CACNA1D: variants seen among roughly 807,000 people sequenced by gnomAD.
CACNA1D encodes the protein calcium voltage-gated channel subunit alpha1 D.
Under a neutral mutation model 257.1 loss-of-function variants are expected in CACNA1D, and 55 were observed. That is an observed-to-expected ratio of 0.21 (90% CI 0.17 to 0.27). CACNA1D has a LOEUF of 0.27. CACNA1D is among the 10% of genes least tolerant of loss of function. The probability of loss-of-function intolerance (pLI) is 1.00; values close to 1 mark genes in which losing one functional copy is unlikely to be tolerated. For missense variants in CACNA1D, 1,876 were observed against 2,784.0 expected (o/e 0.67, Z 7.34); for synonymous variants, 980 against 1,014.9 (o/e 0.97, Z 0.65).
At chr3:53,740,568 T>G (rs1038044996) in intron 21 of CACNA1D, 8 of 357,108 alleles carry the variant, frequency 2.2e-5, no homozygotes, top group South Asian at 3.7e-5. Context: ...TTTTTATGGG[T>G]TTTTTTTTTG....
At chr3:53,499,387 G>A (rs558807573) in intron 2 of CACNA1D, among the ~76,000 whole-genome samples, 1 of 151,760 alleles carries the variant, frequency 6.6e-6, no homozygotes, top group African/African-American at 2.4e-5. Flanking sequence ...TTTCCACCCC[G>A]GGCAGCTCTG....
chr3:53,618,254 C>T (rs1013525707), intron 3 of CACNA1D, among the ~76,000 whole-genome samples: 1 of 152,182 alleles, frequency 6.6e-6, no homozygotes, highest in Non-Finnish European at 1.5e-5. Context: ...GCTGGGCTGA[C>T]GGGCACCAAG....
chr3:53,673,718 T>G lies in CACNA1D; in HGVS notation c.1220+592T>G, dbSNP rs776372175. The G allele has an allele frequency of 6.2e-7, 1 of 1,609,734 alleles. No homozygotes were observed. The highest frequency in any genetic ancestry group is 8.5e-7 in the Non-Finnish European group (1 of 1,175,990). ...GATCTCCTTACATTTTACAGGTAAATGATGCGATAGGATGGGAATGGCCAT... is the reference window on the plus strand; with the variant it reads ...GATCTCCTTACATTTTACAGGTAAAGGATGCGATAGGATGGGAATGGCCAT... On this transcript the variant is annotated intron_variant, in intron 8 of 47. Transcript: ENST00000350061. This position sits in a 1 kb window ranked among gnomAD's most constrained non-coding sequence, Gnocchi z 4.1.
At chr3:53,508,805 C>T (rs740758) in intron 3 of CACNA1D, among the ~76,000 whole-genome samples, 1,557 of 152,262 alleles carry the variant, frequency 0.01, 28 homozygotes, top group African/African-American at 0.036. Context: ...GGGACACGCC[C>T]CAACAGACCC....
At chr3:53,626,378 G>C (rs2093758670) in intron 3 of CACNA1D, among the ~76,000 whole-genome samples, 1 of 152,198 alleles carries the variant, frequency 6.6e-6, no homozygotes, top group Non-Finnish European at 1.5e-5. Context: ...GTAGCAGTCA[G>C]GACCTACCAG....
chr3:53,553,411 G>A (rs1239307442), intron 3 of CACNA1D, among the ~76,000 whole-genome samples: 2 of 152,096 alleles, frequency 1.3e-5, no homozygotes, highest in South Asian at 2.1e-4. Context: ...TGTTCCTCAC[G>A]CATTTCAAGC....
chr3:53,792,814 A>C (rs915643539), intron 40 of CACNA1D, among the ~76,000 whole-genome samples: 1 of 152,072 alleles, frequency 6.6e-6, no homozygotes, highest in Non-Finnish European at 1.5e-5. Context: ...CTGTACCGAG[A>C]GGTCTAACCT....
At position 53,702,809 on chromosome 3, in the gene CACNA1D, T is replaced by G. The variant is rs150652713; in HGVS notation, c.1389T>G (p.Asn463Lys). The change falls in exon 9 of 48, where the codon AAT (asparagine) becomes AAG (lysine). Residue 463 changes from asparagine to lysine, a missense_variant and splice_region_variant. Coordinates refer to ENST00000350061, the MANE Select transcript of CACNA1D (RefSeq NM_001128840.3). ...EEEGGEEGKR[N>K]TSMPTSETES... The stretch of plus-strand genomic sequence containing the variant: ...AAGGAGGAGAGGAAGGCAAACGAAA[T>G]AGTATGTAGCGCCTTTCCTGCCCCT... The G allele has an allele frequency of 1.7e-4, 269 of 1,613,866 alleles. No individual in the cohort carries two copies. The highest frequency in any genetic ancestry group is 2.1e-4 in the Non-Finnish European group (251 of 1,179,998).
Position 53,800,069 on chromosome 3 carries a change from G to C in CACNA1D, c.4924-180G>C. 1.4e-6 allele frequency: 1 copy of C among 705,476 alleles called. No homozygotes were observed. The highest frequency in any genetic ancestry group is 2.5e-5 in the East Asian group (1 of 40,336). 43.7% of individuals were successfully genotyped at this position (705,476 alleles called of 1,614,324 possible). ...TACCTAGGACCTTCTTGACCCTCTG[G>C]ATGCCTGACCATACCAACAACCCTT... On this transcript the variant is annotated intron_variant, in intron 40 of 47. Transcript: ENST00000350061. The surrounding 1 kb of genome is among the most constrained non-coding windows in gnomAD (Gnocchi z 4.3).
chr3:53,802,875 C>T (rs2095543268), intron 43 of CACNA1D, among the ~76,000 whole-genome samples: 2 of 152,184 alleles, frequency 1.3e-5, no homozygotes, highest in Non-Finnish European at 2.9e-5. Flanking sequence ...TTACCACATT[C>T]CTGGGGCAGG....
At chr3:53,690,245 C>T (rs770410320) in intron 8 of CACNA1D, among the ~76,000 whole-genome samples, 1 of 152,194 alleles carries the variant, frequency 6.6e-6, no homozygotes, top group Non-Finnish European at 1.5e-5. Context: ...GTCTTCCCAG[C>T]CTGGGTCTGT....
chr3:53,673,755 G>A lies in CACNA1D; in HGVS notation c.1220+629G>A. 6.2e-7 allele frequency: 1 copy of A among 1,614,026 alleles called. No individual in the cohort carries two copies. The highest frequency in any genetic ancestry group is 8.5e-7 in the Non-Finnish European group (1 of 1,179,894). On this transcript the variant is annotated intron_variant, in intron 8 of 47. Transcript: ENST00000350061. The surrounding 1 kb of genome is among the most constrained non-coding windows in gnomAD (Gnocchi z 4.1). ...ATGGGAATGGCCATGGGTGTATTTT[G>A]TTAGTCTGATCATCCTTGGCTCATT... is the stretch of plus-strand genomic sequence containing the variant.
At chr3:53,808,099 TCA>T (rs1213120241) in intron 45 of CACNA1D, 1 of 163,094 alleles carries the variant, frequency 6.1e-6, no homozygotes, top group East Asian at 1.7e-4. Flanking sequence ...CTGACTCGGA[TCA>T]GTTGCCCTAT....
intron 39 of CACNA1D, chr3:53,782,745 AG>A (rs2095432943): frequency 6.6e-6 from 1 of 152,278 alleles, no homozygotes; most frequent in Non-Finnish European, 1.5e-5. Context: ...TGGCCCAGAA[AG>A]AAATGATAAA....
Position 53,793,083 on chromosome 3 carries a change from A to T in CACNA1D, c.4923+6131A>T, listed in dbSNP as rs1486033421. Among the ~76,000 whole-genome samples, 1 of 152,202 alleles carries T rather than the reference A, an allele frequency of 6.6e-6. No individual in the cohort carries two copies. The highest frequency in any genetic ancestry group is 1.5e-5 in the Non-Finnish European group (1 of 68,026). ...GCCACTTGTCAAGATGTTGAAGCAC[A>T]GCTGCACCTGGTATCAACCGCTGTT... On this transcript the variant is annotated intron_variant, in intron 40 of 47. Coordinates refer to ENST00000350061, the MANE Select transcript of CACNA1D (RefSeq NM_001128840.3). This position sits in a 1 kb window ranked among gnomAD's most constrained non-coding sequence, Gnocchi z 4.1.
chr3:53,581,017 G>A lies in CACNA1D; in HGVS notation c.484-69762G>A, dbSNP rs151218772. ...CAGGTTTGGCCACCTAAGCAATCTG[G>A]AGACCTTGTTAAGGGGCTGGGTATC... is the stretch of plus-strand genomic sequence containing the variant. On this transcript the variant is annotated intron_variant, in intron 3 of 47. Transcript: ENST00000350061. Among the ~76,000 whole-genome samples the A allele has an allele frequency of 3.9e-3, 595 of 152,330 alleles. 6 individuals carry two copies. Among genetic ancestry groups the A allele is most frequent in the African/African-American group, 0.013 (552 of 41,558 alleles).
intron 8 of CACNA1D, among the ~76,000 whole-genome samples, chr3:53,681,239 C>T (rs1302233046): frequency 1.3e-5 from 2 of 152,114 alleles, no homozygotes. Context: ...ACATAAAGAT[C>T]CACGGTCTTA....
chr3:53,497,646 G>A (rs1324729528), intron 2 of CACNA1D, among the ~76,000 whole-genome samples, 185 bp downstream of exon 2: 2 of 152,092 alleles, frequency 1.3e-5, no homozygotes, highest in Non-Finnish European at 2.9e-5. Flanking sequence ...TGGCTGTACG[G>A]GTATATTTAG....
intron 3 of CACNA1D, among the ~76,000 whole-genome samples, chr3:53,583,846 G>A (rs1367049795): frequency 1.3e-5 from 2 of 152,194 alleles, no homozygotes; most frequent in Non-Finnish European, 2.9e-5. Context: ...ATAACGTGGT[G>A]GGTGAGATCA....
Sources: allele counts gnomAD v4.1 joint callset (sites outside exome capture counted in the v4.1 genomes callset), GRCh38; gene constraint gnomAD v4.1.1; non-coding constraint Gnocchi (gnomAD v3.1); transcripts MANE v1.5; gene names NCBI Gene and HGNC (gene_info 2026-07-23, HGNC 2026-07-21).